The following TTC7B variants were observed in gnomAD, a reference collection of about 807,000 sequenced individuals.
TTC7B encodes the protein tetratricopeptide repeat protein 7B.
In TTC7B, 28 loss-of-function variants were observed where a neutral mutation model predicts 106.8. The ratio of observed to expected loss-of-function variants is 0.26; its 90% CI spans 0.19 to 0.36. The LOEUF is 0.36. Among genes scored for constraint, TTC7B ranks in the 10% least tolerant of loss-of-function variants. The pLI is 1.00. For synonymous variants in TTC7B, 405 were observed against 430.6 expected, an observed-to-expected ratio of 0.94 and a Z score of 0.74; for missense variants, 862 against 1,076.4, an observed-to-expected ratio of 0.80 and a Z score of 2.79.
intron 17 of TTC7B, among the ~76,000 whole-genome samples, chr14:90,607,134 C>T (rs1892674160): frequency 6.6e-6 from 1 of 152,092 alleles, no homozygotes; most frequent in South Asian, 2.1e-4. Flanking sequence ...TATCTCTGTT[C>T]TGGCATTTTA....
chr14:90,541,798 T>C (rs1383806221), intron 19 of TTC7B, among the ~76,000 whole-genome samples: 1 of 152,270 alleles, frequency 6.6e-6, no homozygotes, highest in East Asian at 1.9e-4. Flanking sequence ...ATTGCCAATA[T>C]TCAGCCATGT....
rs1886270719 is a variant in TTC7B, at chr14:90,663,082, C to T, written c.1153-4695G>A. Among the ~76,000 whole-genome samples the T allele has an allele frequency of 6.6e-6, 1 of 152,166 alleles. No individual in the cohort carries two copies. The highest frequency in any genetic ancestry group is 2.4e-5 in the African/African-American group (1 of 41,420). ...AAGTGTGGTAACACTTACTCTGTAG[C>T]CAGGCACTATTTTAATTACTTTACA... is the stretch of plus-strand genomic sequence containing the variant. On this transcript the variant is annotated intron_variant, in intron 9 of 19. Coordinates refer to ENST00000328459, the MANE Select transcript of TTC7B (RefSeq NM_001010854.2). The surrounding 1 kb of genome is among the most constrained non-coding windows in gnomAD (Gnocchi z 4.5).
Position 90,578,187 on chromosome 14 carries a change from C to G in TTC7B, c.2229G>C (p.Arg743=). The change falls in exon 19 of 20, where the codon CGG becomes CGC. Residue 743 remains arginine (R), a synonymous_variant. Coordinates refer to ENST00000328459, the MANE Select transcript of TTC7B (RefSeq NM_001010854.2). This position sits in a 1 kb window ranked among gnomAD's most constrained non-coding sequence, Gnocchi z 4.7. ...LYMRGQIAEL[R]GSMDEARRWY... is the part of the protein sequence containing the mutation. ...ACCGCCGCGCCTCGTCCATGCTTCC[C>G]CGGAGCTCAGCAATCTGGCCGCGCA... 1 of 1,614,088 alleles carries G rather than the reference C, an allele frequency of 6.2e-7. No individual in the cohort carries two copies. The highest frequency in any genetic ancestry group is 1.1e-5 in the South Asian group (1 of 91,008).
chr14:90,652,782 A>G, intron 13 of TTC7B, 59 bp downstream of exon 13: 2 of 1,557,268 alleles, frequency 1.3e-6, no homozygotes, highest in Non-Finnish European at 1.8e-6. Context: ...TTCTTTTTAT[A>G]CTCATCATAC....
At chr14:90,763,391 A>T (rs955725488) in intron 3 of TTC7B, among the ~76,000 whole-genome samples, 3 of 152,208 alleles carry the variant, frequency 2.0e-5, no homozygotes, top group Non-Finnish European at 4.4e-5. Flanking sequence ...GATAAAGGCT[A>T]TCTATGAAAA....
chr14:90,735,692 CT>C (rs1889493779), intron 4 of TTC7B, among the ~76,000 whole-genome samples: 1 of 151,214 alleles, frequency 6.6e-6, no homozygotes, highest in Admixed American at 6.6e-5. Context: ...AACCTCATCA[CT>C]TTTTTTAAAT....
rs1323735958 is a variant in TTC7B, at chr14:90,633,728, T to A, written c.1751+10320A>T. On this transcript the variant is annotated intron_variant, in intron 15 of 19. Coordinates refer to ENST00000328459, the MANE Select transcript of TTC7B (RefSeq NM_001010854.2). Reference sequence around the variant, plus strand: ...ATGAGGAAAATTACTAAGTAAAATGTATTAATGAAGGGAAATTTCTACAAA... The same window carrying A: ...ATGAGGAAAATTACTAAGTAAAATGAATTAATGAAGGGAAATTTCTACAAA... Among the ~76,000 whole-genome samples, 6 of 152,282 alleles carry A rather than the reference T, an allele frequency of 3.9e-5. No individual in the cohort carries two copies. In the East Asian group the frequency reaches 1.2e-3, roughly 29 times the overall value.
chr14:90,611,181 G>C (rs773595120), intron 16 of TTC7B, among the ~76,000 whole-genome samples: 1 of 152,150 alleles, frequency 6.6e-6, no homozygotes, highest in Non-Finnish European at 1.5e-5. Flanking sequence ...ACCTTAGAAA[G>C]TGAAGTCTTA....
chr14:90,613,995 T>C (rs1321809067), intron 16 of TTC7B, among the ~76,000 whole-genome samples: 1 of 152,160 alleles, frequency 6.6e-6, no homozygotes, highest in African/African-American at 2.4e-5. Flanking sequence ...TTGGTGGTGG[T>C]GGGGCGGGCT....
chr14:90,626,187 G>A (rs1884432013), intron 15 of TTC7B, among the ~76,000 whole-genome samples: 2 of 152,202 alleles, frequency 1.3e-5, no homozygotes, highest in Non-Finnish European at 2.9e-5. Context: ...CCAGGGAAGA[G>A]TTCTCACAGT....
chr14:90,576,999 C>G (rs191505979), intron 19 of TTC7B, among the ~76,000 whole-genome samples: 64 of 152,264 alleles, frequency 4.2e-4, no homozygotes, highest in African/African-American at 1.3e-3. Context: ...AAAGAGCAAG[C>G]AGCTGATGTC....
At chr14:90,794,981 A>G (rs1243717825) in intron 1 of TTC7B, among the ~76,000 whole-genome samples, 3 of 152,066 alleles carry the variant, frequency 2.0e-5, no homozygotes, top group African/African-American at 4.8e-5. Context: ...TTCAGAACCC[A>G]CTAGCAAGAA....
In TTC7B at chr14:90,591,068, G is replaced by A. The variant is rs1234443578; in HGVS notation, c.2107+2418C>T. Among the ~76,000 whole-genome samples, 6 of 152,286 alleles carry A rather than the reference G, an allele frequency of 3.9e-5. No homozygotes were observed. The East Asian group carries it at 5.8e-4, about 15-fold the overall frequency. On this transcript the variant is annotated intron_variant, in intron 18 of 19. Transcript: ENST00000328459. ...GGACAGCTCCAAGAAGGCTGGGCACGGTGCCTCACACCTGTAATCCTAGCA... is the reference window on the plus strand; with the variant it reads ...GGACAGCTCCAAGAAGGCTGGGCACAGTGCCTCACACCTGTAATCCTAGCA...
At chr14:90,593,393 C>A in intron 18 of TTC7B, 93 bp downstream of exon 18, 1 of 1,463,212 alleles carries the variant, frequency 6.8e-7, no homozygotes, top group Non-Finnish European at 9.0e-7. Context: ...GCTAAACAGA[C>A]AAGCGCCCAG....
intron 2 of TTC7B, among the ~76,000 whole-genome samples, chr14:90,785,004 G>T (rs1443093118): frequency 2.0e-5 from 3 of 152,192 alleles, no homozygotes; most frequent in Non-Finnish European, 4.4e-5. Context: ...CAGGGCCAAG[G>T]AGGTGGCCAG....
chr14:90,719,682 G>GC (rs1888811685), intron 5 of TTC7B, among the ~76,000 whole-genome samples: 1 of 152,228 alleles, frequency 6.6e-6, no homozygotes, highest in African/African-American at 2.4e-5. Context: ...GTGGAAAGAA[G>GC]CCCCTGACCT....
chr14:90,758,755 C>T (rs1218185210), intron 3 of TTC7B, among the ~76,000 whole-genome samples: 1 of 152,138 alleles, frequency 6.6e-6, no homozygotes, highest in Non-Finnish European at 1.5e-5. Flanking sequence ...TCCTTCAGTC[C>T]GGACTCGGCG....
intron 5 of TTC7B, among the ~76,000 whole-genome samples, chr14:90,728,770 G>A (rs1226932365): frequency 3.3e-5 from 5 of 152,198 alleles, no homozygotes; most frequent in Non-Finnish European, 5.9e-5. Flanking sequence ...ATTAATTCCC[G>A]GGTCCGGACC....
At chr14:90,599,600 G>A (rs371613482) in intron 17 of TTC7B, among the ~76,000 whole-genome samples, 2 of 152,336 alleles carry the variant, frequency 1.3e-5, no homozygotes, top group South Asian at 2.1e-4. Flanking sequence ...ATGGCACGTG[G>A]CCACACCCCA....
Sources: gnomAD v4.1 joint callset for allele counts (sites outside exome capture counted in the v4.1 genomes callset) on GRCh38, gnomAD v4.1.1 for gene constraint, Gnocchi (gnomAD v3.1) non-coding constraint, MANE v1.5 for transcripts, NCBI Gene and HGNC (gene_info 2026-07-23, HGNC 2026-07-21) for gene names.